CHN1: variants seen among roughly 807,000 people sequenced by gnomAD.
CHN1 encodes the protein N-chimaerin.
In CHN1, 37 loss-of-function variants were observed where a neutral mutation model predicts 59.5. The ratio of observed to expected loss-of-function variants is 0.62; its 90% CI spans 0.48 to 0.82. CHN1 has a LOEUF of 0.82. Among genes scored for constraint, CHN1 ranks in the 40% least tolerant of loss-of-function variants. The pLI, the probability that CHN1 is intolerant of heterozygous loss-of-function variation, is 0.00. For synonymous variants in CHN1, 206 were observed against 200.4 expected, an observed-to-expected ratio of 1.03 and a Z score of -0.24; for missense variants, 469 against 571.0, an observed-to-expected ratio of 0.82 and a Z score of 1.82.
intron 10 of CHN1, 172 bp downstream of exon 10, chr2:174,811,339 T>C (rs1243680395): frequency 3.7e-6 from 2 of 536,738 alleles, no homozygotes; most frequent in Non-Finnish European, 6.6e-6. Flanking sequence ...AATTTGACTG[T>C]TTAATACTTA....
intron 3 of CHN1, among the ~76,000 whole-genome samples, chr2:174,934,195 C>T (rs1465387070): frequency 6.6e-6 from 1 of 152,054 alleles, no homozygotes; most frequent in Non-Finnish European, 1.5e-5. Flanking sequence ...TACAACTCAC[C>T]ATAATGTAGA....
chr2:174,907,402 G>A (rs546656247), intron 5 of CHN1, among the ~76,000 whole-genome samples: 5 of 152,224 alleles, frequency 3.3e-5, no homozygotes, highest in South Asian at 4.1e-4. Context: ...CTCCCCTCCC[G>A]TATAGACCTT....
At chr2:175,004,800 C>G (rs1692006976) in intron 1 of CHN1, 94 bp downstream of exon 1, 9 of 694,274 alleles carry the variant, frequency 1.3e-5, no homozygotes, top group Non-Finnish European at 1.6e-5. Context: ...ACGCGCCGCG[C>G]CCCCTCCCCG....
chr2:174,900,793 G>A (rs62183359), intron 5 of CHN1, among the ~76,000 whole-genome samples: 6,095 of 149,416 alleles, frequency 0.041, 170 homozygotes, highest in Admixed American at 0.096. Flanking sequence ...CAAAAAGAGC[G>A]AAACTCCATC....
chr2:174,915,009 AAG>A (rs1171262048), intron 5 of CHN1, 47 bp downstream of exon 5: 1 of 1,129,910 alleles, frequency 8.9e-7, no homozygotes, highest in Non-Finnish European at 1.3e-6. Flanking sequence ...GCCCTATATT[AAG>A]AGAGTTTTAA....
chr2:174,860,003 G>C (rs896905196), intron 6 of CHN1, among the ~76,000 whole-genome samples: 1 of 152,104 alleles, frequency 6.6e-6, no homozygotes, highest in Non-Finnish European at 1.5e-5. Flanking sequence ...GAGGTAAAGT[G>C]ATATGTTGAT....
chr2:174,956,878 C>T (rs921914948), intron 1 of CHN1, among the ~76,000 whole-genome samples: 7 of 152,132 alleles, frequency 4.6e-5, no homozygotes, highest in Non-Finnish European at 7.4e-5. Flanking sequence ...TAATTATATG[C>T]TATGAAGTTA....
chr2:174,959,004 C>CA (rs568052420), intron 1 of CHN1, among the ~76,000 whole-genome samples: 35 of 151,824 alleles, frequency 2.3e-4, no homozygotes, highest in African/African-American at 7.0e-4. Context: ...TAGTATTTGG[C>CA]AAAAAAATAA....
chr2:174,941,085 T>G (rs928480161), intron 3 of CHN1, among the ~76,000 whole-genome samples: 1 of 152,206 alleles, frequency 6.6e-6, no homozygotes, highest in African/African-American at 2.4e-5. Flanking sequence ...TGTGTTATAA[T>G]CCATACCTAC....
chr2:174,974,463 G>C (rs2105441782), intron 1 of CHN1, among the ~76,000 whole-genome samples: 1 of 152,106 alleles, frequency 6.6e-6, no homozygotes, highest in Non-Finnish European at 1.5e-5. Context: ...TGACAGCAAT[G>C]AAAAAACATT....
intron 1 of CHN1, among the ~76,000 whole-genome samples, chr2:174,953,978 C>T (rs969208407): frequency 2.0e-5 from 3 of 152,038 alleles, no homozygotes; most frequent in East Asian, 1.9e-4. Flanking sequence ...AGAGCCTGCA[C>T]AGCCATAGCA....
chr2:174,926,893 G>GTT (rs1689179629), intron 3 of CHN1, among the ~76,000 whole-genome samples: 2 of 151,978 alleles, frequency 1.3e-5, no homozygotes, highest in Admixed American at 1.3e-4. Flanking sequence ...GAGTAGCTGG[G>GTT]ACTAAAGGCG....
At chr2:174,878,599 A>G (rs1364943549) in intron 5 of CHN1, among the ~76,000 whole-genome samples, 1 of 152,262 alleles carries the variant, frequency 6.6e-6, no homozygotes, top group Admixed American at 6.5e-5. Flanking sequence ...AGGGCTAACC[A>G]GAATATGATG....
intron 8 of CHN1, among the ~76,000 whole-genome samples, chr2:174,823,736 G>A (rs780261186): frequency 1.8e-4 from 28 of 152,186 alleles, no homozygotes; most frequent in Admixed American, 3.9e-4. Context: ...TATACAAATG[G>A]ATTTCACGTG....
At chr2:174,812,226 G>A in intron 9 of CHN1, 83 bp downstream of exon 9, 2 of 1,167,250 alleles carry the variant, frequency 1.7e-6, no homozygotes, top group Admixed American at 4.7e-5. Flanking sequence ...CAACCGTATT[G>A]TGCAATGAGG....
At chr2:174,978,116 C>G (rs1021355837) in intron 1 of CHN1, among the ~76,000 whole-genome samples, 1 of 152,174 alleles carries the variant, frequency 6.6e-6, no homozygotes, top group Non-Finnish European at 1.5e-5. Context: ...AACATATCAT[C>G]AAGTATTTCC....
At chr2:174,931,264 A>G (rs540588691) in intron 3 of CHN1, among the ~76,000 whole-genome samples, 1 of 152,342 alleles carries the variant, frequency 6.6e-6, no homozygotes, top group Admixed American at 6.5e-5. Context: ...AGTGTTAAAT[A>G]ACAGATTATC....
At chr2:174,841,449 G>C (rs967333875) in intron 7 of CHN1, among the ~76,000 whole-genome samples, 4 of 152,122 alleles carry the variant, frequency 2.6e-5, no homozygotes, top group African/African-American at 9.7e-5. Context: ...ATGTTTACAG[G>C]GACTTTAAAG....
At chr2:174,974,192 T>G (rs1480419561) in intron 1 of CHN1, among the ~76,000 whole-genome samples, 1 of 150,394 alleles carries the variant, frequency 6.6e-6, no homozygotes, top group Non-Finnish European at 1.5e-5. Flanking sequence ...AATATTCAAA[T>G]AGAGTCTTCT....
Sources: allele counts gnomAD v4.1 joint callset (sites outside exome capture counted in the v4.1 genomes callset), GRCh38; gene constraint gnomAD v4.1.1; transcripts MANE v1.5; gene names NCBI Gene and HGNC (gene_info 2026-07-23, HGNC 2026-07-21).